The following PDSS2 variants were observed in gnomAD, a reference collection of about 807,000 sequenced individuals.
PDSS2 encodes decaprenyl diphosphate synthase subunit 2, also known as all trans-polyprenyl-diphosphate synthase PDSS2.
Under a neutral mutation model 44.5 loss-of-function variants are expected in PDSS2, and 31 were observed. The observed-to-expected ratio is 0.70, with a 90% CI of 0.52 to 0.94. The LOEUF (loss-of-function observed/expected upper bound fraction) is 0.94. Ranked by LOEUF, PDSS2 falls within the 40% of genes least tolerant of loss-of-function variation. The pLI, the probability that PDSS2 is intolerant of heterozygous loss-of-function variation, is 0.00. For missense variants in PDSS2, 452 were observed against 482.2 expected (o/e 0.94, Z 0.59); for synonymous variants, 157 against 180.3 (o/e 0.87, Z 1.03).
At position 107,212,301 on chromosome 6, in the gene PDSS2, C is replaced by T. The variant is rs367866286; in HGVS notation, c.703-19G>A. The stretch of plus-strand genomic sequence containing the variant: ...AACTTTCCTAAAAATGTAACAAAAG[C>T]CAAGATAAAAAAGACTTTAGGAGTA... On this transcript the variant is annotated intron_variant, in intron 4 of 7. Transcript: ENST00000369037. The T allele has an allele frequency of 3.1e-5, 50 of 1,596,082 alleles. No homozygotes were observed. The highest frequency in any genetic ancestry group is 4.1e-5 in the Non-Finnish European group (48 of 1,167,772).
Position 107,199,559 on chromosome 6 carries a change from C to T in PDSS2, c.1009-5705G>A, listed in dbSNP as rs538611438. On this transcript the variant is annotated intron_variant, in intron 6 of 7. Transcript: ENST00000369037. Reference sequence around the variant, plus strand: ...AACTGATCCTCCTGCCTTGGCCTCCCAAACTGCTGGGATTACAGGCATGGG... The same window carrying T: ...AACTGATCCTCCTGCCTTGGCCTCCTAAACTGCTGGGATTACAGGCATGGG... Among the ~76,000 whole-genome samples the T allele has an allele frequency of 5.7e-4, 87 of 152,356 alleles. 2 individuals carry two copies. In the South Asian group the frequency reaches 0.018, roughly 31 times the overall value.
At chr6:107,278,445 G>A (rs1319497058) in intron 2 of PDSS2, among the ~76,000 whole-genome samples, 1 of 152,124 alleles carries the variant, frequency 6.6e-6, no homozygotes, top group African/African-American at 2.4e-5. Flanking sequence ...TCCTGCGAAT[G>A]ATTTCTAGTT....
chr6:107,389,408 G>T (rs1203251164), intron 1 of PDSS2, among the ~76,000 whole-genome samples: 2 of 152,178 alleles, frequency 1.3e-5, no homozygotes, highest in African/African-American at 2.4e-5. Flanking sequence ...AGAGGCAAAA[G>T]AACTTGTACA....
chr6:107,447,393 G>A (rs183828337), intron 1 of PDSS2, among the ~76,000 whole-genome samples: 16 of 152,214 alleles, frequency 1.1e-4, no homozygotes, highest in Admixed American at 5.2e-4. Flanking sequence ...ACATCTCTCT[G>A]GGGCTACAGG....
At chr6:107,407,012 G>A (rs922971659) in intron 1 of PDSS2, among the ~76,000 whole-genome samples, 8 of 152,214 alleles carry the variant, frequency 5.3e-5, no homozygotes, top group African/African-American at 1.9e-4. Context: ...ACTGACTGGG[G>A]GTTGGGGAGT....
Position 107,257,046 on chromosome 6 carries a change from G to A in PDSS2, c.631-11427C>T, listed in dbSNP as rs148557835. Among the ~76,000 whole-genome samples the A allele has an allele frequency of 0.013, 2,030 of 152,008 alleles. 125 individuals are homozygous for A. In the East Asian group the frequency reaches 0.2, roughly 15 times the overall value. The stretch of plus-strand genomic sequence containing the variant: ...AATACAAAAATTAGCTGGGTGTGGT[G>A]GTGGGCGACTGTAGTCCCAGCTACT... On this transcript the variant is annotated intron_variant, in intron 3 of 7. Transcript: ENST00000369037.
chr6:107,262,782 G>GA (rs923142136), intron 3 of PDSS2, among the ~76,000 whole-genome samples: 3 of 149,046 alleles, frequency 2.0e-5, no homozygotes, highest in South Asian at 2.1e-4. Flanking sequence ...AAAAAAAAAA[G>GA]AAAAAAAAAG....
chr6:107,362,584 A>G (rs187334438), intron 1 of PDSS2, among the ~76,000 whole-genome samples: 39 of 152,358 alleles, frequency 2.6e-4, no homozygotes, highest in Admixed American at 7.8e-4. Flanking sequence ...AAAGTGAGAA[A>G]CTAGAGTTGC....
chr6:107,176,673 C>T (rs938856378), intron 7 of PDSS2, among the ~76,000 whole-genome samples: 11 of 152,106 alleles, frequency 7.2e-5, no homozygotes, highest in African/African-American at 2.4e-4. Context: ...CCACAAAGAG[C>T]TGAACACAAC....
At chr6:107,387,835 G>T (rs1328228382) in intron 1 of PDSS2, among the ~76,000 whole-genome samples, 1 of 152,202 alleles carries the variant, frequency 6.6e-6, no homozygotes, top group African/African-American at 2.4e-5. Context: ...ATTACACTCT[G>T]AGTGCTGGAG....
At chr6:107,273,323 A>G (rs1016340730) in intron 3 of PDSS2, among the ~76,000 whole-genome samples, 4 of 152,040 alleles carry the variant, frequency 2.6e-5, no homozygotes, top group Middle Eastern at 3.2e-3. Flanking sequence ...TCTCTATAAC[A>G]AAAGGAAAAA....
At chr6:107,372,942 T>C (rs1286138849) in intron 1 of PDSS2, among the ~76,000 whole-genome samples, 1 of 151,694 alleles carries the variant, frequency 6.6e-6, no homozygotes, top group Non-Finnish European at 1.5e-5. Flanking sequence ...AAACTAAACC[T>C]ACACACTTGA....
intron 2 of PDSS2, among the ~76,000 whole-genome samples, chr6:107,281,713 C>A (rs1775965709): frequency 6.6e-6 from 1 of 152,152 alleles, no homozygotes; most frequent in Non-Finnish European, 1.5e-5. Context: ...AGAGTTAGAA[C>A]TCTTTCTTCT....
chr6:107,266,190 T>A (rs905564834), intron 3 of PDSS2, among the ~76,000 whole-genome samples: 1 of 152,200 alleles, frequency 6.6e-6, no homozygotes, highest in Admixed American at 6.5e-5. Flanking sequence ...GGAGATTTGC[T>A]TTATCAGAGG....
At chr6:107,349,601 T>G (rs1778369749) in intron 1 of PDSS2, among the ~76,000 whole-genome samples, 1 of 151,476 alleles carries the variant, frequency 6.6e-6, no homozygotes, top group Admixed American at 6.6e-5. Context: ...ACACAAAAAT[T>G]AGCTGGGCCT....
intron 1 of PDSS2, among the ~76,000 whole-genome samples, chr6:107,359,007 C>CTTTTTTTTTTTTTTTTTTTTTTT (rs59632305): frequency 1.1e-5 from 1 of 93,056 alleles, no homozygotes; most frequent in Non-Finnish European, 2.0e-5. Context: ...CATTCTCGCT[C>CTTTTTTTTTTTTTTTTTTTTTTT]TTTTTTTTTT....
chr6:107,429,901 AATATATATATATATATATATATAT>A (rs869061691), intron 1 of PDSS2, among the ~76,000 whole-genome samples: 1 of 31,858 alleles, frequency 3.1e-5, no homozygotes, highest in Non-Finnish European at 5.3e-5. Flanking sequence ...AAAAAAAAAA[AATATATATATATATATATATATAT>A]ATATATATAT....
intron 7 of PDSS2, among the ~76,000 whole-genome samples, chr6:107,191,196 C>T (rs1324390111): frequency 2.0e-5 from 3 of 152,030 alleles, no homozygotes; most frequent in Non-Finnish European, 4.4e-5. Flanking sequence ...CGGCCTAGAG[C>T]AATGAAGGGT....
chr6:107,167,028 A>T (rs1346992852), intron 7 of PDSS2, among the ~76,000 whole-genome samples: 2 of 152,024 alleles, frequency 1.3e-5, no homozygotes, highest in Admixed American at 1.3e-4. Context: ...TTTTCTATTC[A>T]TTGGAATAGT....
Sources: gnomAD v4.1 joint callset for allele counts (sites outside exome capture counted in the v4.1 genomes callset) on GRCh38, gnomAD v4.1.1 for gene constraint, MANE v1.5 for transcripts, NCBI Gene and HGNC (gene_info 2026-07-23, HGNC 2026-07-21) for gene names.